SAXO2: variants seen among roughly 807,000 people sequenced by gnomAD.
The protein encoded by SAXO2 is stabilizer of axonemal microtubules 2.
SAXO2 carries 17 observed loss-of-function variants against 18.7 expected under a neutral mutation model. The observed-to-expected ratio is 0.91, with a 90% CI of 0.62 to 1.36. The LOEUF is 1.36. Ranked by LOEUF, SAXO2 falls within the 40% of genes most tolerant of loss-of-function variation. SAXO2 has a pLI of 0.00. For missense variants in SAXO2, 486 were observed against 562.6 expected (o/e 0.86, Z 1.38); for synonymous variants, 163 against 181.2 (o/e 0.90, Z 0.81).
At chr15:82,264,832 C>A (rs1207499900) in intron 1 of SAXO2, 3 of 681,910 alleles carry the variant, frequency 4.4e-6, no homozygotes, top group Non-Finnish European at 8.0e-6. Context: ...TAGCTCCAAT[C>A]TCTTGTTGCC....
intron 3 of SAXO2, among the ~76,000 whole-genome samples, chr15:82,278,726 T>C (rs1470519616): frequency 1.3e-5 from 2 of 152,036 alleles, no homozygotes; most frequent in African/African-American, 4.8e-5. Context: ...CATAACAGAA[T>C]TAAATTAGAC....
At chr15:82,267,293 G>A (rs2075228162) in intron 2 of SAXO2, among the ~76,000 whole-genome samples, 1 of 152,228 alleles carries the variant, frequency 6.6e-6, no homozygotes, top group African/African-American at 2.4e-5. Context: ...ACTGGAAGCA[G>A]GGAGGGAGCT....
chr15:82,284,566 C>T lies in SAXO2; in HGVS notation c.*1504C>T, dbSNP rs1226246336. On this transcript the variant is annotated 3_prime_UTR_variant, in exon 4 of 4. Coordinates refer to ENST00000682753, the MANE Select transcript of SAXO2 (RefSeq NM_001348699.2). Reference sequence around the variant, plus strand: ...GCATAATCACCTGGTTCACCTCTTCCGGTGTGAAGATAAGTGATAAGGTAA... The same window carrying T: ...GCATAATCACCTGGTTCACCTCTTCTGGTGTGAAGATAAGTGATAAGGTAA... The T allele has an allele frequency of 4.6e-5, 7 of 151,870 alleles. No homozygotes were observed. The highest frequency in any genetic ancestry group is 2.1e-4 in the South Asian group (1 of 4,812). 9.4% of individuals were successfully genotyped at this position (151,870 alleles called of 1,614,324 possible). A position where few individuals can be genotyped will look rare whatever the true frequency, so the allele number is the denominator to read the frequency against.
intron 2 of SAXO2, among the ~76,000 whole-genome samples, chr15:82,266,335 GT>G (rs775004392): frequency 1.1e-4 from 17 of 152,158 alleles, no homozygotes; most frequent in Non-Finnish European, 1.9e-4. Context: ...AGTTTGATCT[GT>G]TTTCAATACT....
chr15:82,264,840 G>C, intron 1 of SAXO2: 1 of 679,102 alleles, frequency 1.5e-6, no homozygotes, highest in South Asian at 1.6e-5. Flanking sequence ...ATCTCTTGTT[G>C]CCTCTATTAT....
chr15:82,281,413 T>C (rs2075360962), intron 3 of SAXO2, among the ~76,000 whole-genome samples: 1 of 152,090 alleles, frequency 6.6e-6, no homozygotes, highest in Non-Finnish European at 1.5e-5. Flanking sequence ...CTTGAAATTC[T>C]ACAATTTCAA....
chr15:82,281,889 A>C (rs1001680145), intron 3 of SAXO2, among the ~76,000 whole-genome samples: 2 of 152,030 alleles, frequency 1.3e-5, no homozygotes, highest in African/African-American at 4.8e-5. Context: ...GATGAATCTG[A>C]AAGTGGAAAG....
At chr15:82,280,019 G>A (rs1231226826) in intron 3 of SAXO2, among the ~76,000 whole-genome samples, 1 of 152,144 alleles carries the variant, frequency 6.6e-6, no homozygotes, top group Non-Finnish European at 1.5e-5. Context: ...GTTAGACATG[G>A]ACAGCATTGT....
chr15:82,264,770 G>C (rs542456971), intron 1 of SAXO2: 2 of 697,392 alleles, frequency 2.9e-6, no homozygotes, highest in East Asian at 2.7e-5. Context: ...AGGTCAAGAA[G>C]CTGCCAAGTT....
intron 3 of SAXO2, among the ~76,000 whole-genome samples, chr15:82,281,366 T>A (rs1430779794): frequency 6.6e-6 from 1 of 152,162 alleles, no homozygotes; most frequent in African/African-American, 2.4e-5. Flanking sequence ...TTAAGGTTAT[T>A]TAACTTCCAA....
At position 82,264,920 on chromosome 15, in the gene SAXO2, A is replaced by G. The variant is rs1183017244; in HGVS notation, c.54-649A>G. ...ATGTAGCTCTCTTCTGAATCAAAGT[A>G]TCATGTGAATACACATAGTAGGTGA... On this transcript the variant is annotated intron_variant, in intron 1 of 3. Coordinates refer to ENST00000682753, the MANE Select transcript of SAXO2 (RefSeq NM_001348699.2). 5.1e-6 allele frequency: 3 copies of G among 585,630 alleles called. No individual in the cohort carries two copies. The African/African-American group carries it at 5.6e-5, about 11-fold the overall frequency. The allele number at this position is 585,630 out of a possible 1,614,324, so 36.3% of individuals were successfully genotyped here.
At chr15:82,268,483 C>A (rs1483967677) in intron 2 of SAXO2, among the ~76,000 whole-genome samples, 2 of 152,190 alleles carry the variant, frequency 1.3e-5, no homozygotes, top group African/African-American at 4.8e-5. Context: ...GACATCGGAT[C>A]TTTTCTTTAT....
chr15:82,272,883 T>C (rs2075284927), intron 3 of SAXO2, among the ~76,000 whole-genome samples: 1 of 151,414 alleles, frequency 6.6e-6, no homozygotes, highest in South Asian at 2.1e-4. Flanking sequence ...TTTTGAGGAA[T>C]GGGGTCTTTG....
At chr15:82,263,422 G>T in intron 1 of SAXO2, 2 of 708,804 alleles carry the variant, frequency 2.8e-6, no homozygotes, top group Non-Finnish European at 5.1e-6. Context: ...TTTGGGATCC[G>T]CCTGACTGAA....
intron 1 of SAXO2, 146 bp downstream of exon 1, chr15:82,263,078 C>A: frequency 6.6e-7 from 1 of 1,510,520 alleles, no homozygotes. Flanking sequence ...CCACTTATCC[C>A]GCTCCGCGAA....
chr15:82,271,781 G>T lies in SAXO2; in HGVS notation c.412G>T (p.Asp138Tyr). The change falls in exon 3 of 4, where the codon GAC (aspartate) becomes TAC (tyrosine). Residue 138 changes from aspartate (D) to tyrosine (Y), a missense_variant. Asp to Tyr is a radical substitution (Grantham distance 160). Coordinates refer to ENST00000682753, the MANE Select transcript of SAXO2 (RefSeq NM_001348699.2). ...LERQVKKGKL[D>Y]TVPTYKDDYR... is the part of the protein sequence containing the mutation. ...GAGACAAGTTAAAAAAGGAAAATTG[G>T]ACACTGTCCCAACCTATAAAGGTAA... 6.2e-7 allele frequency: 1 copy of T among 1,613,974 alleles called. No homozygotes were observed. Among genetic ancestry groups the T allele is most frequent in the Non-Finnish European group, 8.5e-7 (1 of 1,179,922 alleles).
At chr15:82,274,187 C>CTGTAGA (rs1282948981) in intron 3 of SAXO2, among the ~76,000 whole-genome samples, 1 of 151,990 alleles carries the variant, frequency 6.6e-6, no homozygotes, top group Admixed American at 6.5e-5. Flanking sequence ...CCTGGGTTTC[C>CTGTAGA]TGTAGATTCT....
Position 82,282,720 on chromosome 15 carries a change from G to A in SAXO2, c.1035G>A (p.Met345Ile). 1.2e-6 allele frequency: 2 copies of A among 1,614,128 alleles called. No individual in the cohort carries two copies. Among genetic ancestry groups the A allele is most frequent in the Non-Finnish European group, 1.7e-6 (2 of 1,180,016 alleles). Residue 345 changes from methionine (M) to isoleucine (I), a missense_variant, in exon 4 of 4, where the codon ATG (methionine) becomes ATA (isoleucine). Transcript: ENST00000682753. ...TTCCTTTCCAAGGAAAAAGCATCATGAAAGAAGATTTTCCAGCATGGGAAA... is the reference window on the plus strand; with the variant it reads ...TTCCTTTCCAAGGAAAAAGCATCATAAAAGAAGATTTTCCAGCATGGGAAA... ...NNFPFQGKSI[M>I]KEDFPAWESC...
At chr15:82,263,050 G>A (rs2075152287) in intron 1 of SAXO2, 118 bp downstream of exon 1, 2 of 1,529,238 alleles carry the variant, frequency 1.3e-6, no homozygotes, top group African/African-American at 1.4e-5. Flanking sequence ...ATGAAGGGAC[G>A]AGGGCGCAGC....
Sources: allele counts gnomAD v4.1 joint callset (sites outside exome capture counted in the v4.1 genomes callset), GRCh38; gene constraint gnomAD v4.1.1; transcripts MANE v1.5; gene names NCBI Gene and HGNC (gene_info 2026-07-23, HGNC 2026-07-21).